The following WDR27 variants were observed in gnomAD, a reference collection of about 807,000 sequenced individuals.
WDR27 encodes WD repeat-containing protein 27.
In WDR27, 100 loss-of-function variants were observed where a neutral mutation model predicts 114.4. The observed-to-expected ratio is 0.87, with a 90% CI of 0.74 to 1.03. The LOEUF (loss-of-function observed/expected upper bound fraction) is 1.03. WDR27 is among the 50% of genes least tolerant of loss of function. WDR27 has a pLI of 0.00. For missense variants in WDR27, 1,129 were observed against 1,092.9 expected, an observed-to-expected ratio of 1.03 and a Z score of -0.47; for synonymous variants, 449 against 423.1, an observed-to-expected ratio of 1.06 and a Z score of -0.75.
intron 22 of WDR27, among the ~76,000 whole-genome samples, chr6:169,606,436 A>T (rs1442870256): frequency 6.6e-6 from 1 of 152,200 alleles, no homozygotes; most frequent in African/African-American, 2.4e-5. Flanking sequence ...CGTCACAAGC[A>T]TCAGGTATTT....
chr6:169,495,238 T>A (rs1790250499), intron 25 of WDR27, among the ~76,000 whole-genome samples: 1 of 152,064 alleles, frequency 6.6e-6, no homozygotes, highest in South Asian at 2.1e-4. Context: ...AATAAACAGA[T>A]AAAGCTATAA....
chr6:169,540,787 A>T (rs954305999), intron 25 of WDR27, among the ~76,000 whole-genome samples: 1 of 152,066 alleles, frequency 6.6e-6, no homozygotes, highest in African/African-American at 2.4e-5. Context: ...CACCTGCATG[A>T]ACCTGGACCT....
At chr6:169,560,417 A>G (rs1296596996) in intron 25 of WDR27, among the ~76,000 whole-genome samples, 3 of 152,190 alleles carry the variant, frequency 2.0e-5, no homozygotes, top group Non-Finnish European at 4.4e-5. Flanking sequence ...ACCTCAAACC[A>G]TTTTGTCTTT....
downstream of WDR27, among the ~76,000 whole-genome samples, chr6:169,453,775 GATT>G (rs1467706001): frequency 6.6e-6 from 1 of 152,162 alleles, no homozygotes; most frequent in African/African-American, 2.4e-5. Flanking sequence ...ATATGATACA[GATT>G]AGTAAGAATT....
intron 1 of WDR27, among the ~76,000 whole-genome samples, chr6:169,692,693 G>A (rs530689522): frequency 5.3e-5 from 8 of 152,182 alleles, no homozygotes; most frequent in South Asian, 4.1e-4. Flanking sequence ...TATGTGATGC[G>A]TCAGACACAG....
chr6:169,633,019 G>A lies in WDR27; in HGVS notation c.2151C>T (p.Leu717=). ...TCACCGCTGCACTGCAGCCGGCGTT[G>A]AGGTCAAACACTTCCACGGTCCTGT... ...GRNRTVEVFD[L]NAGCSAAVIA... is the part of the protein sequence containing the mutation. Residue 717 remains leucine (L), a synonymous_variant, in exon 21 of 26, where the codon CTC becomes CTT. Transcript: ENST00000448612. The A allele has an allele frequency of 4.4e-6, 7 of 1,598,598 alleles. No individual in the cohort carries two copies. Among genetic ancestry groups the A allele is most frequent in the Non-Finnish European group, 6.0e-6 (7 of 1,167,390 alleles).
intron 22 of WDR27, 130 bp from the exon 23 acceptor site, chr6:169,602,451 G>A: frequency 1.6e-6 from 1 of 607,632 alleles, no homozygotes; most frequent in Non-Finnish European, 2.9e-6. Flanking sequence ...TATTTTATAT[G>A]TGAGAATTAT....
At chr6:169,526,053 G>A (rs1252594485) in intron 25 of WDR27, among the ~76,000 whole-genome samples, 1 of 152,186 alleles carries the variant, frequency 6.6e-6, no homozygotes, top group Non-Finnish European at 1.5e-5. Context: ...AAGATAGATA[G>A]AGAATAGAGT....
chr6:169,481,445 G>A (rs143706361), intron 25 of WDR27, among the ~76,000 whole-genome samples: 17 of 152,332 alleles, frequency 1.1e-4, no homozygotes, highest in African/African-American at 4.1e-4. Context: ...GCAGCAACCT[G>A]CTCGGGTTCC....
chr6:169,487,262 C>T lies in WDR27; in HGVS notation c.2646-29628G>A, dbSNP rs1324207446. On this transcript the variant is annotated intron_variant, in intron 25 of 25. Coordinates refer to ENST00000448612, the MANE Select transcript of WDR27 (RefSeq NM_182552.5). ...CCATTATTTTTTATAATGTGAACAT[C>T]GACCTCTTCTGTGACAACTAGGAAC... is the stretch of plus-strand genomic sequence containing the variant. Among the ~76,000 whole-genome samples, 7 of 152,268 alleles carry T rather than the reference C, an allele frequency of 4.6e-5. No homozygotes were observed. The South Asian group carries it at 1.2e-3, about 27-fold the overall frequency.
chr6:169,698,376 G>C (rs1283642681), intron 1 of WDR27, among the ~76,000 whole-genome samples: 1 of 152,060 alleles, frequency 6.6e-6, no homozygotes, highest in Non-Finnish European at 1.5e-5. Flanking sequence ...GGAGGGTCTG[G>C]TGCAGGCAGA....
chr6:169,497,276 C>T lies in WDR27; in HGVS notation c.2646-39642G>A, dbSNP rs144069192. Among the ~76,000 whole-genome samples the T allele has an allele frequency of 1.1e-3, 170 of 152,088 alleles. 1 individual carries two copies. The East Asian group carries it at 0.023, about 21-fold the overall frequency. ...ACCATGTACAAAAACTAACAAAGTG[C>T]GCCAAAGGCCTGAATGGAAGACTGA... is the stretch of plus-strand genomic sequence containing the variant. On this transcript the variant is annotated intron_variant, in intron 25 of 25. Transcript: ENST00000448612.
At chr6:169,469,460 C>T (rs758246194) in intron 25 of WDR27, among the ~76,000 whole-genome samples, 10 of 152,210 alleles carry the variant, frequency 6.6e-5, no homozygotes, top group Admixed American at 1.3e-4. Flanking sequence ...ATGCCCTGCC[C>T]TCAGGCCCAC....
At chr6:169,613,258 G>A (rs74457267) in intron 22 of WDR27, among the ~76,000 whole-genome samples, 1 of 152,188 alleles carries the variant, frequency 6.6e-6, no homozygotes, top group Admixed American at 6.5e-5. Flanking sequence ...ACTTGGGAGA[G>A]AGAGCAGTAA....
chr6:169,680,729 G>A (rs1392119676), intron 2 of WDR27, among the ~76,000 whole-genome samples: 1 of 152,120 alleles, frequency 6.6e-6, no homozygotes, highest in Non-Finnish European at 1.5e-5. Context: ...TGTGAGAGAG[G>A]AAATGAAAGA....
chr6:169,571,926 G>T (rs1355900346), intron 25 of WDR27, among the ~76,000 whole-genome samples: 1 of 152,160 alleles, frequency 6.6e-6, no homozygotes, highest in Admixed American at 6.5e-5. Flanking sequence ...GCAATTAACA[G>T]AACTATATTC....
chr6:169,674,140 CT>C (rs557892773), intron 2 of WDR27, among the ~76,000 whole-genome samples: 7 of 152,114 alleles, frequency 4.6e-5, no homozygotes, highest in African/African-American at 7.2e-5. Context: ...ATCAGCTATA[CT>C]TTTTTTTCAT....
chr6:169,638,497 C>T, intron 18 of WDR27, 42 bp downstream of exon 18: 1 of 1,604,054 alleles, frequency 6.2e-7, no homozygotes, highest in Non-Finnish European at 8.5e-7. Flanking sequence ...CTCTCAGCTC[C>T]TTTGGAAATG....
rs867676387 is a variant in WDR27 at position 169,582,444 on chromosome 6, C to T, written c.2523+392G>A. Reference sequence around the variant, plus strand: ...TTTTCCATAAGAATTTTCAAAATCCCGTTCTTACTTGCTCTGCTGCTTGCT... The same window carrying T: ...TTTTCCATAAGAATTTTCAAAATCCTGTTCTTACTTGCTCTGCTGCTTGCT... On this transcript the variant is annotated intron_variant, in intron 24 of 25. Transcript: ENST00000448612. 1.2e-4 allele frequency among the ~76,000 whole-genome samples: 19 copies of T among 152,218 alleles called. 1 individual carries two copies. In the Middle Eastern group the frequency reaches 0.014, roughly 109 times the overall value.
Sources: gnomAD v4.1 joint callset for allele counts (sites outside exome capture counted in the v4.1 genomes callset) on GRCh38, gnomAD v4.1.1 for gene constraint, MANE v1.5 for transcripts, NCBI Gene and HGNC (gene_info 2026-07-23, HGNC 2026-07-21) for gene names.